Variants in LRTM3 observed in about 807,000 individuals in gnomAD.
The protein encoded by LRTM3 is leucine-rich repeat transmembrane protein 3.
At chr13:102,734,573 A>T in the LRTM3 span, 70 of 1,545,832 alleles carry the variant, frequency 4.5e-5, no homozygotes, top group Non-Finnish European at 5.8e-5. Context: ...CATATCGATT[A>T]TTTTTTTTTG....
the LRTM3 span, chr13:102,748,923 C>T: frequency 6.4e-7 from 1 of 1,550,492 alleles, no homozygotes; most frequent in Non-Finnish European, 8.7e-7. Context: ...TCAAGAGGAC[C>T]TGCATAATTG....
the LRTM3 span, chr13:102,746,567 G>A: frequency 5.2e-6 from 8 of 1,550,896 alleles, no homozygotes; most frequent in South Asian, 9.5e-5. Flanking sequence ...GACTGTCTCT[G>A]AGATTGATGG....
At chr13:102,734,656 C>A in the LRTM3 span, 1 of 1,550,974 alleles carries the variant, frequency 6.4e-7, no homozygotes, top group African/African-American at 1.4e-5. Context: ...CAACGACGGA[C>A]TCTCTATGTA....
chr13:102,758,589 A>G, the LRTM3 span: 2 of 1,534,944 alleles, frequency 1.3e-6, no homozygotes, highest in African/African-American at 1.4e-5. Flanking sequence ...ATTTTAATGG[A>G]AAAAAAATTG....
the LRTM3 span, chr13:102,746,572 T>C: frequency 7.1e-6 from 11 of 1,551,042 alleles, no homozygotes; most frequent in Non-Finnish European, 8.7e-6. Flanking sequence ...TCTCTGAGAT[T>C]GATGGCTTCA....
the LRTM3 span, chr13:102,737,243 AC>A: frequency 1.2e-5 from 19 of 1,550,784 alleles, no homozygotes; most frequent in Middle Eastern, 3.3e-4. Flanking sequence ...TGAGCTATCC[AC>A]CCCAAAAGAC....
the LRTM3 span, chr13:102,732,087 G>C: frequency 6.4e-7 from 1 of 1,551,356 alleles, no homozygotes; most frequent in Non-Finnish European, 8.7e-7. Flanking sequence ...GGATCTTGTG[G>C]AACTGTGTTT....
the LRTM3 span, chr13:102,750,128 AT>A: frequency 1.3e-6 from 2 of 1,551,036 alleles, no homozygotes; most frequent in South Asian, 1.2e-5. Flanking sequence ...GGAAAATTGT[AT>A]TGTTTCATAT....
At chr13:102,739,347 C>A in the LRTM3 span, 1 of 1,549,328 alleles carries the variant, frequency 6.5e-7, no homozygotes. Context: ...CACTTTGATT[C>A]TATTACATTA....
At chr13:102,744,238 A>G in the LRTM3 span, 3 of 1,550,356 alleles carry the variant, frequency 1.9e-6, no homozygotes, top group Non-Finnish European at 2.6e-6. Flanking sequence ...CACATTTGGG[A>G]CTCATACTTT....
At chr13:102,729,618 C>T in the LRTM3 span, 7 of 1,547,338 alleles carry the variant, frequency 4.5e-6, no homozygotes, top group African/African-American at 8.3e-5. Context: ...TTGGGTATAA[C>T]CTCCAGTGAG....
the LRTM3 span, chr13:102,733,452 C>T: frequency 5.8e-6 from 9 of 1,551,290 alleles, no homozygotes; most frequent in South Asian, 4.8e-5. Context: ...TTTGAATTTG[C>T]AGGGGTGCCA....
At chr13:102,732,920 G>T in the LRTM3 span, 2 of 1,551,444 alleles carry the variant, frequency 1.3e-6, no homozygotes, top group Non-Finnish European at 1.7e-6. Flanking sequence ...AAATTGAAAA[G>T]TCCAGGGAGG....
chr13:102,741,833 C>T, the LRTM3 span: 10 of 1,550,332 alleles, frequency 6.5e-6, no homozygotes, highest in South Asian at 1.2e-4. Context: ...TTCATCTGTT[C>T]TAATTCGTGG....
chr13:102,744,718 C>T, the LRTM3 span: 1 of 1,550,676 alleles, frequency 6.4e-7, no homozygotes, highest in African/African-American at 1.4e-5. Flanking sequence ...ATTCTGTTAA[C>T]ATTTTTTGAA....
chr13:102,737,384 G>C, the LRTM3 span: 1 of 1,550,888 alleles, frequency 6.4e-7, no homozygotes, highest in Non-Finnish European at 8.7e-7. Context: ...AGTTAGAGAA[G>C]ACTCAGAAGG....
chr13:102,739,769 A>C, the LRTM3 span: 79 of 1,548,994 alleles, frequency 5.1e-5, no homozygotes, highest in Non-Finnish European at 6.0e-5. Flanking sequence ...CACCCCATCA[A>C]TTGTTTCTTT....
At chr13:102,742,953 G>A in the LRTM3 span, 1 of 1,545,654 alleles carries the variant, frequency 6.5e-7, no homozygotes. Flanking sequence ...CCAACTTTGA[G>A]ACTTTCTTTT....
chr13:102,738,772 G>A, the LRTM3 span: 2 of 1,550,382 alleles, frequency 1.3e-6, no homozygotes, highest in Non-Finnish European at 1.7e-6. Context: ...GAAAAGAGAT[G>A]GAAGCAAAAG....
Sources: allele counts gnomAD v4.1 joint callset, GRCh38; gene constraint gnomAD v4.1.1; transcripts MANE v1.5; gene names NCBI Gene and HGNC (gene_info 2026-07-23, HGNC 2026-07-21).